The following CCDC91 variants were observed in gnomAD, a reference collection of about 807,000 sequenced individuals.
CCDC91 encodes coiled-coil domain-containing protein 91.
In CCDC91, 48 loss-of-function variants were observed where a neutral mutation model predicts 63.2. That is an observed-to-expected ratio of 0.76 (90% CI 0.60 to 0.97). The LOEUF (loss-of-function observed/expected upper bound fraction) is 0.97, where lower values mean the gene tolerates loss of function less well. Among genes scored for constraint, CCDC91 ranks in the 50% least tolerant of loss-of-function variants. CCDC91 has a pLI of 0.00. For missense variants in CCDC91, 500 were observed against 494.6 expected (o/e 1.01, Z -0.10); for synonymous variants, 167 against 165.8 (o/e 1.01, Z -0.06).
chr12:28,500,996 C>T (rs1318360946), intron 12 of CCDC91, among the ~76,000 whole-genome samples: 4 of 151,430 alleles, frequency 2.6e-5, no homozygotes, highest in Admixed American at 2.0e-4. Flanking sequence ...TATTAGATGC[C>T]CTTTATATAG....
At chr12:28,503,970 G>A (rs1341635002) in intron 12 of CCDC91, among the ~76,000 whole-genome samples, 3 of 151,968 alleles carry the variant, frequency 2.0e-5, no homozygotes, top group Non-Finnish European at 4.4e-5. Flanking sequence ...AGCATTCGGA[G>A]ATATACCTAA....
At chr12:28,362,363 A>G in intron 6 of CCDC91, 75 bp from the exon 7 acceptor site, 1 of 1,049,476 alleles carries the variant, frequency 9.5e-7, no homozygotes, top group Middle Eastern at 2.6e-4. Flanking sequence ...TGGAAGCAGC[A>G]AAAGTCTATG....
intron 6 of CCDC91, among the ~76,000 whole-genome samples, chr12:28,345,357 T>A (rs1942733177): frequency 6.6e-6 from 1 of 152,108 alleles, no homozygotes; most frequent in African/African-American, 2.4e-5. Flanking sequence ...TAAGAGCTGC[T>A]TCTTAATAAT....
intron 6 of CCDC91, among the ~76,000 whole-genome samples, chr12:28,361,952 A>C (rs1450632162): frequency 6.6e-6 from 1 of 152,130 alleles, no homozygotes; most frequent in Admixed American, 6.5e-5. Context: ...GAAGCTGGAC[A>C]TCATATGTGA....
At chr12:28,359,884 A>G (rs1943766474) in intron 6 of CCDC91, among the ~76,000 whole-genome samples, 1 of 152,202 alleles carries the variant, frequency 6.6e-6, no homozygotes, top group African/African-American at 2.4e-5. Flanking sequence ...ATGAGACAGT[A>G]ATATACTATT....
intron 1 of CCDC91, among the ~76,000 whole-genome samples, chr12:28,244,091 G>T (rs534610449): frequency 1.3e-5 from 2 of 152,236 alleles, no homozygotes; most frequent in East Asian, 3.9e-4. Flanking sequence ...TTTTTCCCAG[G>T]TATGCAAGGA....
chr12:28,450,100 C>G, intron 8 of CCDC91, 61 bp from the exon 9 acceptor site: 1 of 880,006 alleles, frequency 1.1e-6, no homozygotes, highest in South Asian at 2.0e-5. Context: ...ACCAGCTACT[C>G]TCCTTGTTGA....
At chr12:28,312,343 C>A (rs996405710) in intron 6 of CCDC91, among the ~76,000 whole-genome samples, 2 of 151,632 alleles carry the variant, frequency 1.3e-5, no homozygotes, top group Admixed American at 6.6e-5. Context: ...TAAGTTTGTG[C>A]ATATTTATGT....
chr12:28,502,469 G>T (rs1938051310), intron 12 of CCDC91, among the ~76,000 whole-genome samples: 1 of 151,568 alleles, frequency 6.6e-6, no homozygotes, highest in South Asian at 2.1e-4. Flanking sequence ...CATGCTCATG[G>T]GTAGGAAGAA....
intron 1 of CCDC91, chr12:28,255,827 T>C (rs1946408639): frequency 1.3e-5 from 2 of 152,302 alleles, no homozygotes; most frequent in Admixed American, 1.3e-4. Context: ...AATTAATGTT[T>C]TTACTGTTTT....
chr12:28,319,464 A>G (rs1940256751), intron 6 of CCDC91: 1 of 152,590 alleles, frequency 6.6e-6, no homozygotes, highest in Admixed American at 6.6e-5. Flanking sequence ...GTGCAAAGTT[A>G]AACATTTATT....
intron 1 of CCDC91, among the ~76,000 whole-genome samples, chr12:28,251,227 C>T (rs2136096490): frequency 6.6e-6 from 1 of 151,966 alleles, no homozygotes; most frequent in East Asian, 1.9e-4. Context: ...TTTGGGTGGT[C>T]TCTTGAGATT....
chr12:28,472,101 A>G (rs757658147), intron 11 of CCDC91, among the ~76,000 whole-genome samples: 4 of 152,122 alleles, frequency 2.6e-5, no homozygotes, highest in Admixed American at 1.3e-4. Flanking sequence ...ATGCTTTCAC[A>G]CTGTTTTGAA....
At chr12:28,191,943 T>C (rs1481718975) in intron 1 of CCDC91, among the ~76,000 whole-genome samples, 3 of 152,160 alleles carry the variant, frequency 2.0e-5, no homozygotes, top group South Asian at 4.1e-4. Context: ...GGAAATCTTA[T>C]GAACTGGTTT....
At chr12:28,539,639 A>C (rs906335401) in intron 12 of CCDC91, among the ~76,000 whole-genome samples, 4 of 152,158 alleles carry the variant, frequency 2.6e-5, no homozygotes, top group African/African-American at 7.2e-5. Context: ...AGGCAATAAC[A>C]TCCCAGTTTA....
At chr12:28,204,650 T>G (rs1438561048) in intron 1 of CCDC91, among the ~76,000 whole-genome samples, 1 of 152,184 alleles carries the variant, frequency 6.6e-6, no homozygotes, top group Non-Finnish European at 1.5e-5. Flanking sequence ...CTCTCCTTAT[T>G]ACATTTGAAT....
Position 28,305,725 on chromosome 12 carries a change from C to G in CCDC91, c.186C>G (p.Leu62=), listed in dbSNP as rs1389321671. ...DRDHSSSIGC[L]SSDAIISSPE... is the part of the protein sequence containing the mutation. ...ACCACTCTTCTTCCATTGGCTGCCT[C>G]TCTTCTGATGCCATTATTTCATCAC... Residue 62 remains leucine, a synonymous_variant, in exon 4 of 13, where the codon CTC becomes CTG. Coordinates refer to ENST00000536442, the MANE Select transcript of CCDC91 (RefSeq NM_018318.5). 6.2e-7 allele frequency: 1 copy of G among 1,613,208 alleles called. No homozygotes were observed. The highest frequency in any genetic ancestry group is 8.5e-7 in the Non-Finnish European group (1 of 1,179,400).
At chr12:28,379,114 T>G (rs1252450519) in intron 7 of CCDC91, among the ~76,000 whole-genome samples, 1 of 152,004 alleles carries the variant, frequency 6.6e-6, no homozygotes, top group Non-Finnish European at 1.5e-5. Context: ...GGAATAAAAA[T>G]TTCAAGTTTC....
chr12:28,390,896 G>A (rs943263550), intron 7 of CCDC91, among the ~76,000 whole-genome samples: 8 of 151,342 alleles, frequency 5.3e-5, no homozygotes, highest in Non-Finnish European at 8.8e-5. Context: ...TTGTCAGCCA[G>A]TGAAATATGT....
Sources: allele counts gnomAD v4.1 joint callset (sites outside exome capture counted in the v4.1 genomes callset), GRCh38; gene constraint gnomAD v4.1.1; transcripts MANE v1.5; gene names NCBI Gene and HGNC (gene_info 2026-07-23, HGNC 2026-07-21).